The following GRM1 variants were observed in gnomAD, a reference collection of about 807,000 sequenced individuals.
The protein encoded by GRM1 is metabotropic glutamate receptor 1.
In GRM1, 33 loss-of-function variants were observed where a neutral mutation model predicts 90.9. The ratio of observed to expected loss-of-function variants is 0.36; its 90% CI spans 0.28 to 0.49. GRM1 has a LOEUF of 0.49. GRM1 is among the 20% of genes least tolerant of loss of function. The pLI is 0.99. For missense variants in GRM1, 1,190 were observed against 1,534.3 expected (o/e 0.78, Z 3.75); for synonymous variants, 700 against 613.2 (o/e 1.14, Z -2.09).
In GRM1 at chr6:146,067,482, T is replaced by G. The variant is rs17075636; in HGVS notation, c.700+37265T>G. 4.0e-3 allele frequency among the ~76,000 whole-genome samples: 609 copies of G among 152,262 alleles called. 17 individuals are homozygous for G. The East Asian group carries it at 0.07, about 18-fold the overall frequency. ...ACATATAAATATCCTTCTGAAATCT[T>G]TAAATTTTTTTGGAATGGAATAGGA... On this transcript the variant is annotated intron_variant, in intron 1 of 7. Transcript: ENST00000282753.
In GRM1 at chr6:146,304,812, T is replaced by A; in HGVS notation, c.1152T>A (p.Leu384=). The change falls in exon 3 of 8, where the codon CTT becomes CTA. Residue 384 remains leucine, a synonymous_variant. Coordinates refer to ENST00000282753, the MANE Select transcript of GRM1 (RefSeq NM_001278064.2). ...TCCAGTGCCGCCTTCCAGGACACCT[T>A]CTGGAAAATCCCAACTTTAAACGAA... The part of the protein sequence containing the change: ...HRFQCRLPGH[L]LENPNFKRIC... The A allele has an allele frequency of 1.2e-6, 2 of 1,613,512 alleles. No individual in the cohort carries two copies. The highest frequency in any genetic ancestry group is 1.7e-6 in the Non-Finnish European group (2 of 1,179,492).
At chr6:146,269,273 A>G (rs898717985) in intron 2 of GRM1, among the ~76,000 whole-genome samples, 1 of 152,238 alleles carries the variant, frequency 6.6e-6, no homozygotes, top group African/African-American at 2.4e-5. Flanking sequence ...ATTTCATGTT[A>G]TACTTGAATG....
chr6:146,207,303 A>G (rs1370484108), intron 2 of GRM1, among the ~76,000 whole-genome samples: 2 of 151,766 alleles, frequency 1.3e-5, no homozygotes, highest in Admixed American at 6.6e-5. Flanking sequence ...TGTAATAACA[A>G]CTCATTGTGG....
chr6:146,344,825 T>C (rs1430010251), intron 3 of GRM1, among the ~76,000 whole-genome samples: 2 of 152,324 alleles, frequency 1.3e-5, no homozygotes, highest in African/African-American at 4.8e-5. Flanking sequence ...TCTTTCTTTT[T>C]TTTGAGACGG....
At chr6:146,260,529 C>A (rs1016073926) in intron 2 of GRM1, among the ~76,000 whole-genome samples, 1 of 152,002 alleles carries the variant, frequency 6.6e-6, no homozygotes, top group African/African-American at 2.4e-5. Flanking sequence ...AATGGGATTG[C>A]TGGGTTAAAT....
At chr6:146,289,509 G>A (rs541243008) in intron 2 of GRM1, among the ~76,000 whole-genome samples, 3 of 152,188 alleles carry the variant, frequency 2.0e-5, no homozygotes, top group Admixed American at 6.5e-5. Context: ...AGTAAACTAA[G>A]GTTAATTTAT....
rs1778596972 is a variant in GRM1 at position 146,436,449 on chromosome 6, CA to C, written c.*1654del. ...GCATTTAGATTATTCCAGGTTATAT[CA>C]TTTTTTTAAAGATTTTCCACAGCTA... On this transcript the variant is annotated 3_prime_UTR_variant, in exon 8 of 8. Transcript: ENST00000282753. The C allele has an allele frequency of 5.3e-5, 8 of 152,290 alleles. No homozygotes were observed. In the South Asian group the frequency reaches 1.7e-3, roughly 32 times the overall value. 9.4% of individuals were successfully genotyped at this position (152,290 alleles called of 1,614,324 possible).
rs362891 is a variant in GRM1 at position 146,357,496 on chromosome 6, T to C, written c.1434-30T>C. Reference sequence around the variant, plus strand: ...TGTTTTCTACATTATGTCTATATTCTATAAGACATGCACATTGTGCTCTTT... The same window carrying C: ...TGTTTTCTACATTATGTCTATATTCCATAAGACATGCACATTGTGCTCTTT... On this transcript the variant is annotated intron_variant, in intron 4 of 7. Transcript: ENST00000282753. 25,122 of 1,542,970 alleles carry C rather than the reference T, an allele frequency of 0.016. 693 individuals are homozygous for C. Among genetic ancestry groups the C allele is most frequent in the East Asian group, 0.12 (5,144 of 44,520 alleles).
At chr6:146,238,015 C>T (rs763726253) in intron 2 of GRM1, among the ~76,000 whole-genome samples, 43 of 152,274 alleles carry the variant, frequency 2.8e-4, no homozygotes, top group African/African-American at 6.7e-4. Context: ...CAGCTGCTAA[C>T]TAATGGGCAC....
chr6:146,308,235 G>C (rs61699525), intron 3 of GRM1, among the ~76,000 whole-genome samples: 1 of 152,166 alleles, frequency 6.6e-6, no homozygotes, highest in Admixed American at 6.5e-5. Flanking sequence ...TTATGTATCA[G>C]CCGCACGACT....
At chr6:146,105,882 C>T (rs1431169667) in intron 1 of GRM1, among the ~76,000 whole-genome samples, 1 of 152,116 alleles carries the variant, frequency 6.6e-6, no homozygotes, top group Non-Finnish European at 1.5e-5. Flanking sequence ...TGTCAGTACC[C>T]AGGTCACACA....
chr6:146,377,803 G>A (rs1456593232), intron 5 of GRM1, among the ~76,000 whole-genome samples: 1 of 152,148 alleles, frequency 6.6e-6, no homozygotes, highest in African/African-American at 2.4e-5. Context: ...TCAGTGCTGT[G>A]CATCCCAGCC....
chr6:146,393,268 A>C (rs961661563), intron 6 of GRM1, among the ~76,000 whole-genome samples: 1 of 151,970 alleles, frequency 6.6e-6, no homozygotes, highest in African/African-American at 2.4e-5. Flanking sequence ...TTTGATTTGC[A>C]TTTCTCTAAT....
At chr6:146,257,145 A>G (rs1781508027) in intron 2 of GRM1, among the ~76,000 whole-genome samples, 1 of 152,002 alleles carries the variant, frequency 6.6e-6, no homozygotes, top group South Asian at 2.1e-4. Flanking sequence ...GATATAATTA[A>G]TTCGTTCATT....
In GRM1 at chr6:146,159,394, C is replaced by T; in HGVS notation, c.747C>T (p.Ala249=). The T allele has an allele frequency of 6.2e-7, 1 of 1,614,118 alleles. No homozygotes were observed. Among genetic ancestry groups the T allele is most frequent in the Non-Finnish European group, 8.5e-7 (1 of 1,179,958 alleles). ...SGMDAFKELA[A]QEGLCIAHSD... ...TGGACGCTTTCAAAGAGCTGGCTGC[C>T]CAGGAAGGCCTCTGTATCGCCCATT... Residue 249 remains alanine (A), a synonymous_variant, in exon 2 of 8, where the codon GCC becomes GCT. Coordinates refer to ENST00000282753, the MANE Select transcript of GRM1 (RefSeq NM_001278064.2).
intron 7 of GRM1, among the ~76,000 whole-genome samples, chr6:146,401,268 A>G (rs1356292341): frequency 6.6e-6 from 1 of 152,052 alleles, no homozygotes; most frequent in Non-Finnish European, 1.5e-5. Flanking sequence ...TGGTATATCA[A>G]TTTTTAAGTT....
At chr6:146,243,241 T>C (rs1265468153) in intron 2 of GRM1, among the ~76,000 whole-genome samples, 1 of 152,130 alleles carries the variant, frequency 6.6e-6, no homozygotes, top group Non-Finnish European at 1.5e-5. Flanking sequence ...CTAAAATATG[T>C]TAAAGATGCT....
chr6:146,173,084 T>G (rs1778197972), intron 2 of GRM1, among the ~76,000 whole-genome samples: 2 of 152,174 alleles, frequency 1.3e-5, no homozygotes, highest in South Asian at 2.1e-4. Flanking sequence ...ATGCAAGTTC[T>G]TTGACTGGAA....
At chr6:146,126,094 CT>C (rs1219561317) in intron 1 of GRM1, among the ~76,000 whole-genome samples, 2 of 151,794 alleles carry the variant, frequency 1.3e-5, no homozygotes, top group Admixed American at 1.3e-4. Context: ...TTGTGGAGAC[CT>C]TTAGGGAGGC....
Sources: gnomAD v4.1 joint callset for allele counts (sites outside exome capture counted in the v4.1 genomes callset) on GRCh38, gnomAD v4.1.1 for gene constraint, MANE v1.5 for transcripts, NCBI Gene and HGNC (gene_info 2026-07-23, HGNC 2026-07-21) for gene names.